FZR1: variants seen among roughly 807,000 people sequenced by gnomAD.
FZR1 encodes the protein fizzy-related protein homolog.
A neutral mutation model predicts 63.6 loss-of-function variants in FZR1; 11 were observed. The observed-to-expected ratio is 0.17, with a 90% CI of 0.11 to 0.29. FZR1 has a LOEUF of 0.29. Among genes scored for constraint, FZR1 ranks in the 10% least tolerant of loss-of-function variants. The pLI is 1.00. For missense variants in FZR1, 440 were observed against 687.5 expected (o/e 0.64, Z 4.03); for synonymous variants, 328 against 297.9 (o/e 1.10, Z -1.04).
intron 1 of FZR1, among the ~76,000 whole-genome samples, chr19:3,508,306 C>T (rs751959476): frequency 3.4e-5 from 5 of 147,808 alleles, no homozygotes; most frequent in African/African-American, 5.0e-5. Flanking sequence ...AAGTGATTCT[C>T]CTGCCTCAGC....
At chr19:3,521,805 T>C (rs2083104445) in intron 1 of FZR1, among the ~76,000 whole-genome samples, 1 of 151,996 alleles carries the variant, frequency 6.6e-6, no homozygotes, top group Admixed American at 6.6e-5. Context: ...TGGCCAGAAC[T>C]GCACACTTAA....
rs2083253711 is a variant in FZR1 at position 3,532,082 on chromosome 19, G to A, written c.995G>A (p.Gly332Asp). The A allele has an allele frequency of 6.6e-7, 1 of 1,513,178 alleles. No homozygotes were observed. Among genetic ancestry groups the A allele is most frequent in the Non-Finnish European group, 8.8e-7 (1 of 1,132,162 alleles). 93.7% of individuals were successfully genotyped at this position (1,513,178 alleles called of 1,614,324 possible). Residue 332 changes from glycine to aspartate, a missense_variant, in exon 10 of 14, where the codon GGC (glycine) becomes GAC (aspartate). By Grantham distance (94) the Gly-to-Asp change is moderately conservative (BLOSUM62 -1). Transcript: ENST00000441788. The part of the protein sequence containing the change: ...STDHQLLASG[G>D]NDNKLLVWNH... Reference sequence around the variant, plus strand: ...GACCACCAGCTCCTCGCCTCGGGGGGCAACGACAACAAGGTACCCCCGCCC... The same window carrying A: ...GACCACCAGCTCCTCGCCTCGGGGGACAACGACAACAAGGTACCCCCGCCC...
chr19:3,525,750 G>T lies in FZR1; in HGVS notation c.70-118G>T. On this transcript the variant is annotated intron_variant, in intron 2 of 13. Transcript: ENST00000441788. This position sits in a 1 kb window ranked among gnomAD's most constrained non-coding sequence, Gnocchi z 4.2. ...AGCCACCGCGCCTGGCCCACCCCTT[G>T]GGTTTTCAAGATCAAAGCCCCCTTT... 2.3e-6 allele frequency: 3 copies of T among 1,295,928 alleles called. No individual in the cohort carries two copies. The highest frequency in any genetic ancestry group is 3.2e-6 in the Non-Finnish European group (3 of 940,280). 80.3% of individuals were successfully genotyped at this position (1,295,928 alleles called of 1,614,324 possible).
intron 1 of FZR1, among the ~76,000 whole-genome samples, chr19:3,510,370 A>G (rs1298257452): frequency 6.6e-6 from 1 of 152,142 alleles, no homozygotes; most frequent in Non-Finnish European, 1.5e-5. Context: ...CCTGGGCTCA[A>G]GTGATCCTCC....
At chr19:3,532,387 A>G in intron 10 of FZR1, 30 bp from the exon 11 acceptor site, 1 of 1,539,842 alleles carries the variant, frequency 6.5e-7, no homozygotes, top group Non-Finnish European at 8.8e-7. Context: ...GGGCTGGGAC[A>G]GCCCCGGCCT....
chr19:3,518,064 G>A (rs1391068969), intron 1 of FZR1, among the ~76,000 whole-genome samples: 2 of 149,570 alleles, frequency 1.3e-5, no homozygotes, highest in Non-Finnish European at 3.0e-5. Context: ...ACCCAGGCTG[G>A]AGTGCAGTGG....
At chr19:3,532,135 G>A (rs1052993946) in intron 10 of FZR1, 40 bp downstream of exon 10, 131 of 1,459,748 alleles carry the variant, frequency 9.0e-5, no homozygotes, top group Non-Finnish European at 1.1e-4. Context: ...TTCACCAGAA[G>A]CCGCACCCCT....
chr19:3,520,150 G>A (rs1791551863), intron 1 of FZR1, among the ~76,000 whole-genome samples: 1 of 152,242 alleles, frequency 6.6e-6, no homozygotes, highest in African/African-American at 2.4e-5. Flanking sequence ...TCCTCGTCCT[G>A]GGATGGCCAG....
chr19:3,534,221 TAAAATTAAA>T, intron 12 of FZR1, 191 bp from the exon 13 acceptor site: 2 of 459,068 alleles, frequency 4.4e-6, no homozygotes, highest in Admixed American at 9.0e-5. Flanking sequence ...GACCCCGTCT[TAAAATTAAA>T]AAAAAAAAAA....
chr19:3,530,244 A>AGATGGGTGAGCGGATGGGAGAGCG (rs2083228406), intron 7 of FZR1, among the ~76,000 whole-genome samples: 1 of 61,848 alleles, frequency 1.6e-5, no homozygotes, highest in Non-Finnish European at 3.3e-5. Context: ...ATGGGAGAGC[A>AGATGGGTGAGCGGATGGGAGAGCG]GATGGGTGAG....
intron 1 of FZR1, among the ~76,000 whole-genome samples, chr19:3,510,869 C>T (rs1027589314): frequency 2.6e-5 from 4 of 152,254 alleles, no homozygotes; most frequent in Non-Finnish European, 5.9e-5. Context: ...TGCTGCTCAG[C>T]GCCCCGCAGA....
rs907908436 is a variant in FZR1, at chr19:3,533,122, C to T, written c.1243-172C>T. Among the ~76,000 whole-genome samples, 2 of 152,108 alleles carry T rather than the reference C, an allele frequency of 1.3e-5. No homozygotes were observed. Among genetic ancestry groups the T allele is most frequent in the Non-Finnish European group, 1.5e-5 (1 of 67,996 alleles). ...GAGGGGTCCACCTGTGGCCTCCACA[C>T]CTCCTAGACAGACTCAGGTGGCAGA... On this transcript the variant is annotated intron_variant, in intron 11 of 13. Transcript: ENST00000441788. The surrounding 1 kb of genome is among the most constrained non-coding windows in gnomAD (Gnocchi z 4.9).
rs2083058691 is a variant in FZR1, at chr19:3,516,355, C to T, written c.-34-6601C>T. ...GGTGTCCTTTGCTACTTTGGGCTCT[C>T]CTGTGGGTGGCAGGTGCTTCCCTCA... On this transcript the variant is annotated intron_variant, in intron 1 of 13. Transcript: ENST00000441788. The surrounding 1 kb of genome is among the most constrained non-coding windows in gnomAD (Gnocchi z 6.0). Among the ~76,000 whole-genome samples, 1 of 152,210 alleles carries T rather than the reference C, an allele frequency of 6.6e-6. No individual in the cohort carries two copies. Among genetic ancestry groups the T allele is most frequent in the Admixed American group, 6.5e-5 (1 of 15,286 alleles).
At chr19:3,524,376 G>A (rs2083132213) in intron 2 of FZR1, among the ~76,000 whole-genome samples, 1 of 152,192 alleles carries the variant, frequency 6.6e-6, no homozygotes, top group Non-Finnish European at 1.5e-5. Context: ...GGCAGTTTTG[G>A]GAGAGCTCCC....
intron 7 of FZR1, among the ~76,000 whole-genome samples, chr19:3,528,358 T>A (rs2083183476): frequency 6.6e-6 from 1 of 152,232 alleles, no homozygotes; most frequent in Admixed American, 6.5e-5. Context: ...GAGCGAGGGT[T>A]GGCGCCCTCC....
chr19:3,532,317 T>TGTGGG (rs1179428797), intron 10 of FZR1, 100 bp from the exon 11 acceptor site: 9 of 936,388 alleles, frequency 9.6e-6, no homozygotes, highest in African/African-American at 3.4e-5. Flanking sequence ...GCAGGAGGAG[T>TGTGGG]GTGGGGTGGG....
intron 13 of FZR1, 88 bp from the exon 14 acceptor site, chr19:3,534,707 A>G: frequency 8.0e-7 from 1 of 1,248,122 alleles, no homozygotes. Context: ...GCCCCTCAGG[A>G]CCAAGCCCCA....
At chr19:3,529,159 A>T (rs78939534) in intron 7 of FZR1, among the ~76,000 whole-genome samples, 6,861 of 39,506 alleles carry the variant, frequency 0.17, 1,158 homozygotes, top group African/African-American at 0.51. Context: ...AGCGGATGGG[A>T]GAGCGGTTGG....
chr19:3,523,022 C>A lies in FZR1; in HGVS notation c.33C>A (p.Arg11=). 1 of 1,611,662 alleles carries A rather than the reference C, an allele frequency of 6.2e-7. No homozygotes were observed. The highest frequency in any genetic ancestry group is 1.1e-5 in the South Asian group (1 of 91,070). Residue 11 remains arginine (R), a synonymous_variant, in exon 2 of 14, where the codon CGC becomes CGA. Coordinates refer to ENST00000441788, the MANE Select transcript of FZR1 (RefSeq NM_016263.4). MDQDYERRLL[R]QIVIQNENTM... ...AGGACTATGAGCGGCGCCTGCTTCG[C>A]CAGATCGTCATCCAGAATGAGAACA...
Sources: gnomAD v4.1 joint callset for allele counts (sites outside exome capture counted in the v4.1 genomes callset) on GRCh38, gnomAD v4.1.1 for gene constraint, Gnocchi (gnomAD v3.1) non-coding constraint, MANE v1.5 for transcripts, NCBI Gene and HGNC (gene_info 2026-07-23, HGNC 2026-07-21) for gene names.